The following EPHA3 variants were observed in gnomAD, a reference collection of about 807,000 sequenced individuals.
The protein encoded by EPHA3 is ephrin type-A receptor 3.
In EPHA3, 42 loss-of-function variants were observed where a neutral mutation model predicts 107.1. The observed-to-expected ratio is 0.39, with a 90% CI of 0.31 to 0.51. EPHA3 has a LOEUF of 0.51. Ranked by LOEUF, EPHA3 falls within the 20% of genes least tolerant of loss-of-function variation. EPHA3 has a pLI of 0.78. For synonymous variants in EPHA3, 461 were observed against 424.8 expected, an observed-to-expected ratio of 1.09 and a Z score of -1.05; for missense variants, 1,183 against 1,211.2, an observed-to-expected ratio of 0.98 and a Z score of 0.35.
At chr3:89,222,494 G>A (rs1361547494) in intron 3 of EPHA3, among the ~76,000 whole-genome samples, 1 of 148,032 alleles carries the variant, frequency 6.8e-6, no homozygotes, top group African/African-American at 2.5e-5. Context: ...AATAATATAT[G>A]TATTATATAA....
chr3:89,347,646 A>T lies in EPHA3; in HGVS notation c.1306+5556A>T, dbSNP rs1362383275. ...AATTGCCCTGGCCAGAACTTCCAACACTATGTTGAATAAGAGTGGTGAGAG... is the reference window on the plus strand; with the variant it reads ...AATTGCCCTGGCCAGAACTTCCAACTCTATGTTGAATAAGAGTGGTGAGAG... On this transcript the variant is annotated intron_variant, in intron 5 of 16. Transcript: ENST00000336596. Among the ~76,000 whole-genome samples the T allele has an allele frequency of 2.0e-5, 3 of 150,658 alleles. No individual in the cohort carries two copies. The East Asian group carries it at 5.8e-4, about 29-fold the overall frequency.
At chr3:89,196,355 C>T (rs1369225486) in intron 2 of EPHA3, among the ~76,000 whole-genome samples, 1 of 152,146 alleles carries the variant, frequency 6.6e-6, no homozygotes, top group Non-Finnish European at 1.5e-5. Context: ...TAAGAAAACA[C>T]ATTTTAACAC....
intron 13 of EPHA3, among the ~76,000 whole-genome samples, chr3:89,441,634 T>C (rs1334183239): frequency 2.0e-5 from 3 of 152,078 alleles, no homozygotes; most frequent in Non-Finnish European, 4.4e-5. Flanking sequence ...AGGAAAGCAA[T>C]TTCTAAACCA....
At position 89,114,950 on chromosome 3, in the gene EPHA3, G is replaced by T. The variant is rs548287828; in HGVS notation, c.88+7114G>T. Among the ~76,000 whole-genome samples the T allele has an allele frequency of 1.2e-4, 18 of 152,302 alleles. No homozygotes were observed. The South Asian group carries it at 3.7e-3, about 32-fold the overall frequency. On this transcript the variant is annotated intron_variant, in intron 1 of 16. Coordinates refer to ENST00000336596, the MANE Select transcript of EPHA3 (RefSeq NM_005233.6). ...ATTCAGGATCTACGATCGCCCTGCC[G>T]CCTTTCGCATTGCTGTCAGCTAGGC...
intron 13 of EPHA3, among the ~76,000 whole-genome samples, chr3:89,436,928 T>C (rs919793188): frequency 6.6e-6 from 1 of 152,152 alleles, no homozygotes; most frequent in Non-Finnish European, 1.5e-5. Context: ...CAATACTCAC[T>C]TGTTGTTATT....
intron 5 of EPHA3, among the ~76,000 whole-genome samples, chr3:89,391,421 C>CTTTCTTTTCTTT (rs1553689269): frequency 8.6e-6 from 1 of 116,000 alleles, no homozygotes; most frequent in African/African-American, 3.5e-5. Context: ...TCTTTCTTTT[C>CTTTCTTTTCTTT]TTTTTTTTTT....
intron 13 of EPHA3, among the ~76,000 whole-genome samples, chr3:89,435,896 C>G (rs1227021908): frequency 4.7e-5 from 7 of 150,148 alleles, no homozygotes; most frequent in Non-Finnish European, 1.0e-4. Flanking sequence ...GAGGTTGCAG[C>G]GAACGGAGAT....
At position 89,241,884 on chromosome 3, in the gene EPHA3, T is replaced by G. The variant is rs548223185; in HGVS notation, c.814+31364T>G. On this transcript the variant is annotated intron_variant, in intron 3 of 16. Transcript: ENST00000336596. ...TGTTTTTTCCAATGATAGTTTAACT[T>G]TATCCCCCTCTCAGCCCCGAGATTA... is the stretch of plus-strand genomic sequence containing the variant. 5.9e-5 allele frequency among the ~76,000 whole-genome samples: 9 copies of G among 152,292 alleles called. No individual in the cohort carries two copies. The South Asian group carries it at 1.9e-3, about 32-fold the overall frequency.
chr3:89,135,557 A>G (rs1168497202), intron 2 of EPHA3, among the ~76,000 whole-genome samples: 1 of 152,074 alleles, frequency 6.6e-6, no homozygotes, highest in Non-Finnish European at 1.5e-5. Context: ...TTTACACTAT[A>G]TTACTTGAAA....
chr3:89,471,661 G>A (rs1213223045), intron 15 of EPHA3, among the ~76,000 whole-genome samples: 1 of 151,934 alleles, frequency 6.6e-6, no homozygotes, highest in Non-Finnish European at 1.5e-5. Flanking sequence ...ACTGCGCCCG[G>A]CCCTTTTTCT....
chr3:89,192,462 T>G (rs1705742844), intron 2 of EPHA3, among the ~76,000 whole-genome samples: 1 of 151,904 alleles, frequency 6.6e-6, no homozygotes, highest in Admixed American at 6.6e-5. Flanking sequence ...ATACTATATA[T>G]ACTACATACA....
At chr3:89,392,138 A>C (rs1440358256) in intron 5 of EPHA3, among the ~76,000 whole-genome samples, 1 of 152,066 alleles carries the variant, frequency 6.6e-6, no homozygotes, top group Non-Finnish European at 1.5e-5. Flanking sequence ...TTTGTGTAAG[A>C]GGCAGAAAAT....
chr3:89,236,806 T>C (rs1045025244), intron 3 of EPHA3, among the ~76,000 whole-genome samples: 2 of 152,164 alleles, frequency 1.3e-5, no homozygotes, highest in Non-Finnish European at 2.9e-5. Flanking sequence ...GAAAGCTACA[T>C]TTTTTTATAT....
At chr3:89,403,862 TAC>T (rs1282035971) in intron 7 of EPHA3, among the ~76,000 whole-genome samples, 1 of 152,230 alleles carries the variant, frequency 6.6e-6, no homozygotes, top group Non-Finnish European at 1.5e-5. Context: ...AATATGTTAT[TAC>T]TTGTAAAGTG....
intron 3 of EPHA3, among the ~76,000 whole-genome samples, chr3:89,312,514 A>C (rs1706788731): frequency 6.6e-6 from 1 of 151,404 alleles, no homozygotes; most frequent in South Asian, 2.1e-4. Context: ...TTTTAGCTTG[A>C]TATATTTATA....
intron 5 of EPHA3, among the ~76,000 whole-genome samples, chr3:89,379,412 G>A (rs1333099642): frequency 6.6e-6 from 1 of 152,030 alleles, no homozygotes; most frequent in East Asian, 1.9e-4. Flanking sequence ...TTCCCCACCT[G>A]CACCCTTCAG....
At chr3:89,263,959 T>C (rs969527000) in intron 3 of EPHA3, among the ~76,000 whole-genome samples, 3 of 152,112 alleles carry the variant, frequency 2.0e-5, no homozygotes, top group African/African-American at 7.2e-5. Flanking sequence ...GGGGAGGGGA[T>C]GCATTACTCA....
At chr3:89,332,970 G>T (rs1426600955) in intron 3 of EPHA3, among the ~76,000 whole-genome samples, 1 of 152,222 alleles carries the variant, frequency 6.6e-6, no homozygotes, top group South Asian at 2.1e-4. Flanking sequence ...GCAATTGAAA[G>T]GCTGCCTTCT....
intron 5 of EPHA3, among the ~76,000 whole-genome samples, chr3:89,388,297 G>A (rs1042931821): frequency 2.0e-5 from 3 of 152,090 alleles, no homozygotes; most frequent in Non-Finnish European, 2.9e-5. Flanking sequence ...ACTATGCTAG[G>A]CACCTAAGAT....
Sources: gnomAD v4.1 joint callset for allele counts (sites outside exome capture counted in the v4.1 genomes callset) on GRCh38, gnomAD v4.1.1 for gene constraint, MANE v1.5 for transcripts, NCBI Gene and HGNC (gene_info 2026-07-23, HGNC 2026-07-21) for gene names.